The following PRKCZ variants were observed in gnomAD, a reference collection of about 807,000 sequenced individuals.
PRKCZ encodes the protein protein kinase C zeta, also known as protein kinase C zeta type.
A neutral mutation model predicts 79.5 loss-of-function variants in PRKCZ; 33 were observed. The observed-to-expected ratio is 0.41, with a 90% confidence interval of 0.31 to 0.55. The LOEUF is 0.55. Among genes scored for constraint, PRKCZ ranks in the 20% least tolerant of loss-of-function variants. The pLI is 0.19. For synonymous variants in PRKCZ, 342 were observed against 320.9 expected (o/e 1.07, Z -0.70); for missense variants, 578 against 813.5 (o/e 0.71, Z 3.52).
intron 5 of PRKCZ, among the ~76,000 whole-genome samples, chr1:2,135,874 G>C (rs1676096689): frequency 6.6e-6 from 1 of 152,172 alleles, no homozygotes; most frequent in South Asian, 2.1e-4. Context: ...TGCTTTTCTA[G>C]TTCCTATGAA....
rs1425953718 is a variant in PRKCZ, at chr1:2,146,085, T to C, written c.611T>C (p.Leu204Pro). The C allele has an allele frequency of 6.2e-7, 1 of 1,614,088 alleles. No homozygotes were observed. The highest frequency in any genetic ancestry group is 2.2e-5 in the East Asian group (1 of 44,878). ...GACGACAAGAACGAGGACGCCGACC[T>C]TCCTTCCGAGGAGACAGATGGAAGT... is the stretch of plus-strand genomic sequence containing the variant. ...PVDDKNEDAD[L>P]PSEETDGIAY... The change falls in exon 7 of 18, where the codon CTT becomes CCT. Residue 204 changes from leucine (L) to proline (P), a missense_variant. Around this residue, in one of 4 missense-constraint regions of PRKCZ, gnomAD observed 91 missense variants for 97.5 expected, o/e 0.93. Coordinates refer to ENST00000378567, the MANE Select transcript of PRKCZ (RefSeq NM_002744.6).
intron 9 of PRKCZ, among the ~76,000 whole-genome samples, chr1:2,155,360 G>C (rs1680781618): frequency 6.6e-6 from 1 of 151,342 alleles, no homozygotes; most frequent in African/African-American, 2.4e-5. Flanking sequence ...TGATGACGGT[G>C]ATGATGGTGA....
At chr1:2,053,590 G>A (rs1265875617) in intron 1 of PRKCZ, among the ~76,000 whole-genome samples, 1 of 152,184 alleles carries the variant, frequency 6.6e-6, no homozygotes, top group African/African-American at 2.4e-5. Flanking sequence ...GGAGGTGGTG[G>A]CCTGACACTT....
chr1:2,062,311 G>A (rs1455036388), intron 4 of PRKCZ, among the ~76,000 whole-genome samples: 1 of 151,924 alleles, frequency 6.6e-6, no homozygotes, highest in African/African-American at 2.4e-5. Context: ...GTGGCCCTGC[G>A]GATTCTGGAC....
chr1:2,172,512 C>A lies in PRKCZ; in HGVS notation c.1285+124C>A. The A allele has an allele frequency of 1.8e-6, 2 of 1,108,688 alleles. No individual in the cohort carries two copies. Among genetic ancestry groups the A allele is most frequent in the South Asian group, 1.6e-5 (1 of 62,004 alleles). 68.7% of individuals were successfully genotyped at this position (1,108,688 alleles called of 1,614,324 possible). A position where few individuals can be genotyped will look rare whatever the true frequency, so the allele number is the denominator to read the frequency against. ...CACCCAAAAGCCACACACTGTCTTT[C>A]CCAGCCGGATGTCATCATCTGGCCT... is the stretch of plus-strand genomic sequence containing the variant. On this transcript the variant is annotated intron_variant, in intron 13 of 17. Coordinates refer to ENST00000378567, the MANE Select transcript of PRKCZ (RefSeq NM_002744.6). The surrounding 1 kb of genome is among the most constrained non-coding windows in gnomAD (Gnocchi z 7.8).
chr1:2,133,682 C>T (rs951483460), intron 4 of PRKCZ: 1 of 153,092 alleles, frequency 6.5e-6, no homozygotes, highest in African/African-American at 2.4e-5. Context: ...TGTCCCTCGA[C>T]TCGGCCCCTC....
At chr1:2,051,902 C>T (rs141250461) in intron 1 of PRKCZ, among the ~76,000 whole-genome samples, 1 of 152,306 alleles carries the variant, frequency 6.6e-6, no homozygotes, top group Non-Finnish European at 1.5e-5. Flanking sequence ...GCACCTGGAA[C>T]CTTCGGGGTG....
intron 16 of PRKCZ, among the ~76,000 whole-genome samples, chr1:2,180,031 TG>T (rs1686248905): frequency 6.6e-6 from 1 of 151,708 alleles, no homozygotes; most frequent in Non-Finnish European, 1.5e-5. Context: ...CCGTCAGAAG[TG>T]GGGATCACAG....
intron 4 of PRKCZ, among the ~76,000 whole-genome samples, chr1:2,061,333 C>T (rs1001897469): frequency 9.9e-5 from 15 of 151,862 alleles, no homozygotes; most frequent in African/African-American, 3.6e-4. Context: ...CCTCTCTGCC[C>T]GTGTGGACAA....
chr1:2,136,424 A>G (rs996549111), intron 5 of PRKCZ, among the ~76,000 whole-genome samples: 1 of 152,136 alleles, frequency 6.6e-6, no homozygotes, highest in Non-Finnish European at 1.5e-5. Flanking sequence ...AGACCTGGAC[A>G]TTGCCTGGAG....
In PRKCZ at chr1:2,165,105, G is replaced by A. The variant is rs1362841724; in HGVS notation, c.975-4413G>A. On this transcript the variant is annotated intron_variant, in intron 10 of 17. Coordinates refer to ENST00000378567, the MANE Select transcript of PRKCZ (RefSeq NM_002744.6). This position sits in a 1 kb window ranked among gnomAD's most constrained non-coding sequence, Gnocchi z 4.1. ...CCTTTTATCTTTGATGGAGAAATCCGAGGCCTGCCAGCATCCCCACCAGTA... is the reference window on the plus strand; with the variant it reads ...CCTTTTATCTTTGATGGAGAAATCCAAGGCCTGCCAGCATCCCCACCAGTA... Among the ~76,000 whole-genome samples, 6 of 152,208 alleles carry A rather than the reference G, an allele frequency of 3.9e-5. No individual in the cohort carries two copies. In the South Asian group the frequency reaches 1.2e-3, roughly 31 times the overall value.
Position 2,094,141 on chromosome 1 carries a change from A to C in PRKCZ, c.334+34550A>C, listed in dbSNP as rs142402258. Among the ~76,000 whole-genome samples the C allele has an allele frequency of 2.6e-4, 40 of 152,246 alleles. No individual in the cohort carries two copies. The East Asian group carries it at 7.7e-3, about 29-fold the overall frequency. ...AACCTTCTGCCTGATGCACAACCTC[A>C]GAGCCCTCCGTCGCCATCCCTCCCC... On this transcript the variant is annotated intron_variant, in intron 4 of 17. Transcript: ENST00000378567. The surrounding 1 kb of genome is among the most constrained non-coding windows in gnomAD (Gnocchi z 7.3).
chr1:2,082,485 TC>T lies in PRKCZ; in HGVS notation c.334+22896del, dbSNP rs1237930082. 1 of 449,682 alleles carries T rather than the reference TC, an allele frequency of 2.2e-6. No homozygotes were observed. The allele number at this position is 449,682 out of a possible 1,614,324, so 27.9% of individuals were successfully genotyped here. A position where few individuals can be genotyped will look rare whatever the true frequency, so the allele number is the denominator to read the frequency against. On this transcript the variant is annotated intron_variant, in intron 4 of 17. Coordinates refer to ENST00000378567, the MANE Select transcript of PRKCZ (RefSeq NM_002744.6). The surrounding 1 kb of genome is among the most constrained non-coding windows in gnomAD (Gnocchi z 4.4). Reference sequence around the variant, plus strand: ...TGTGAGTGTAAGATCACGTCCGCGTTCCTAGCGACCGGTTTTGTGATGTGGG... The same window carrying T: ...TGTGAGTGTAAGATCACGTCCGCGTTCTAGCGACCGGTTTTGTGATGTGGG...
rs1051504698 is a variant in PRKCZ at position 2,094,265 on chromosome 1, A to T, written c.334+34674A>T. On this transcript the variant is annotated intron_variant, in intron 4 of 17. Transcript: ENST00000378567. The surrounding 1 kb of genome is among the most constrained non-coding windows in gnomAD (Gnocchi z 7.3). ...GTGCCAAGCCTGGTGACCCGAGGGT[A>T]CCCTCGGCCTCCCGGCCTGAACTCT... Among the ~76,000 whole-genome samples, 1 of 151,976 alleles carries T rather than the reference A, an allele frequency of 6.6e-6. No homozygotes were observed. Among genetic ancestry groups the T allele is most frequent in the Non-Finnish European group, 1.5e-5 (1 of 67,994 alleles).
At chr1:2,106,304 A>C (rs892922620) in intron 4 of PRKCZ, among the ~76,000 whole-genome samples, 1 of 152,248 alleles carries the variant, frequency 6.6e-6, no homozygotes, top group African/African-American at 2.4e-5. Flanking sequence ...AAAATGCCAA[A>C]CTGACAGAAG....
At position 2,050,953 on chromosome 1, in the gene PRKCZ, G is replaced by T. The variant is rs1207548065; in HGVS notation, c.71+252G>T. Reference sequence around the variant, plus strand: ...CCCCGCGCCGCGAGCTCCTCGGCCCGGTCATTGTGGTAGACGTTTTCGCTG... The same window carrying T: ...CCCCGCGCCGCGAGCTCCTCGGCCCTGTCATTGTGGTAGACGTTTTCGCTG... On this transcript the variant is annotated intron_variant, in intron 1 of 17. Coordinates refer to ENST00000378567, the MANE Select transcript of PRKCZ (RefSeq NM_002744.6). 3 of 364,392 alleles carry T rather than the reference G, an allele frequency of 8.2e-6. No homozygotes were observed. The East Asian group carries it at 1.2e-4, about 14-fold the overall frequency. The allele number at this position is 364,392 out of a possible 1,614,324, so 22.6% of individuals were successfully genotyped here.
At chr1:2,162,663 GT>G (rs1224689060) in intron 10 of PRKCZ, among the ~76,000 whole-genome samples, 4 of 151,980 alleles carry the variant, frequency 2.6e-5, no homozygotes, top group Non-Finnish European at 5.9e-5. Context: ...GCCCAATCTG[GT>G]CTCAAACTCC....
In PRKCZ at chr1:2,173,059, GT is replaced by G. The variant is rs1553175688; in HGVS notation, c.1285+672del. On this transcript the variant is annotated intron_variant, in intron 13 of 17. Coordinates refer to ENST00000378567, the MANE Select transcript of PRKCZ (RefSeq NM_002744.6). The surrounding 1 kb of genome is among the most constrained non-coding windows in gnomAD (Gnocchi z 5.7). ...GTGTTCGTGTGTCGGGCATCCATGTGTGTTGTGTGCACATGCATACTGTGTT... is the reference window on the plus strand; with the variant it reads ...GTGTTCGTGTGTCGGGCATCCATGTGGTTGTGTGCACATGCATACTGTGTT... Among the ~76,000 whole-genome samples, 1 of 152,114 alleles carries G rather than the reference GT, an allele frequency of 6.6e-6. No homozygotes were observed. Among genetic ancestry groups the G allele is most frequent in the Non-Finnish European group, 1.5e-5 (1 of 68,018 alleles).
At chr1:2,184,825 G>A in intron 17 of PRKCZ, 97 bp from the exon 18 acceptor site, 1 of 1,378,412 alleles carries the variant, frequency 7.3e-7, no homozygotes. Context: ...CTCTCCAGTG[G>A]GCGTTGGGGG....
Sources: gnomAD v4.1 joint callset for allele counts (sites outside exome capture counted in the v4.1 genomes callset) on GRCh38, gnomAD v4.1.1 for gene constraint, gnomAD v4.1.1 regional missense constraint, Gnocchi (gnomAD v3.1) non-coding constraint, MANE v1.5 for transcripts, NCBI Gene and HGNC (gene_info 2026-07-23, HGNC 2026-07-21) for gene names.